Variants in MYH15 observed in about 807,000 individuals in gnomAD.
MYH15 encodes the protein myosin-15.
Under a neutral mutation model 240.5 loss-of-function variants are expected in MYH15, and 227 were observed. That is an observed-to-expected ratio of 0.94 (90% CI 0.85 to 1.05). The LOEUF is 1.05. Among genes scored for constraint, MYH15 ranks in the 50% least tolerant of loss-of-function variants. The pLI is 0.00. For synonymous variants in MYH15, 785 were observed against 796.7 expected, an observed-to-expected ratio of 0.99 and a Z score of 0.25; for missense variants, 2,217 against 2,247.5, an observed-to-expected ratio of 0.99 and a Z score of 0.27.
At chr3:108,530,835 A>G (rs2083706314), upstream of MYH15, among the ~76,000 whole-genome samples, 1 of 152,208 alleles carries the variant, frequency 6.6e-6, no homozygotes, top group African/African-American at 2.4e-5. Context: ...AATGATATAG[A>G]TGATGGAATG....
rs1318053636 is a variant in MYH15 at position 108,444,901 on chromosome 3, T to C, written c.2400-6A>G. ...GGATCAAAATAAGTGCATCCCTAAA[T>C]CAAGAAAGAAAAAAGAAAAGCAAGT... On this transcript the variant is annotated splice_region_variant and splice_polypyrimidine_tract_variant and intron_variant, in intron 21 of 40. Coordinates refer to ENST00000693548, the MANE Select transcript of MYH15 (RefSeq NM_014981.3). The C allele has an allele frequency of 6.3e-7, 1 of 1,588,604 alleles. No homozygotes were observed. The highest frequency in any genetic ancestry group is 8.5e-7 in the Non-Finnish European group (1 of 1,171,714).
upstream of MYH15, among the ~76,000 whole-genome samples, chr3:108,512,830 T>C (rs1239654181): frequency 2.0e-5 from 3 of 152,096 alleles, no homozygotes; most frequent in Admixed American, 6.6e-5. Flanking sequence ...GAACAGAATG[T>C]GTAGGAGCAG....
chr3:108,495,747 T>G (rs2083384626), intron 7 of MYH15, 33 bp downstream of exon 7: 2 of 1,531,264 alleles, frequency 1.3e-6, no homozygotes, highest in East Asian at 4.5e-5. Flanking sequence ...ACAAATTAAA[T>G]ACTTTGATAT....
intron 27 of MYH15, among the ~76,000 whole-genome samples, chr3:108,423,407 G>A (rs538844216): frequency 4.7e-4 from 72 of 152,198 alleles, no homozygotes; most frequent in Non-Finnish European, 6.3e-4. Flanking sequence ...AGACTTAACA[G>A]AGATTCAATG....
chr3:108,425,082 C>T (rs1256873753), intron 27 of MYH15, among the ~76,000 whole-genome samples: 1 of 152,126 alleles, frequency 6.6e-6, no homozygotes, highest in East Asian at 1.9e-4. Context: ...AAGAGGGACC[C>T]CAAAAGTGCT....
chr3:108,474,518 A>T (rs2083204166), intron 12 of MYH15, among the ~76,000 whole-genome samples: 1 of 149,944 alleles, frequency 6.7e-6, no homozygotes, highest in Admixed American at 6.6e-5. Flanking sequence ...TTGATAAATA[A>T]TTATATATAT....
At chr3:108,494,164 C>A (rs903508462) in intron 7 of MYH15, among the ~76,000 whole-genome samples, 6 of 152,148 alleles carry the variant, frequency 3.9e-5, no homozygotes, top group African/African-American at 1.4e-4. Context: ...GGCAAGAAGA[C>A]GTGAGTGGCT....
At chr3:108,484,654 A>G (rs1174335227) in intron 11 of MYH15, among the ~76,000 whole-genome samples, 1 of 151,870 alleles carries the variant, frequency 6.6e-6, no homozygotes, top group East Asian at 1.9e-4. Context: ...AATTTTTTGT[A>G]TTTTTAGTAG....
chr3:108,530,733 G>A (rs1048797215), upstream of MYH15, among the ~76,000 whole-genome samples: 1 of 152,074 alleles, frequency 6.6e-6, no homozygotes, highest in African/African-American at 2.4e-5. Context: ...ACCTAAAACT[G>A]CTCTAAAAAT....
chr3:108,417,696 T>C (rs1177680033), intron 28 of MYH15, among the ~76,000 whole-genome samples: 1 of 151,902 alleles, frequency 6.6e-6, no homozygotes, highest in Non-Finnish European at 1.5e-5. Context: ...GCTTTGTGAA[T>C]TCAACCTACC....
chr3:108,383,747 A>AAC lies in MYH15; in HGVS notation c.5632-19_5632-18insGT. Reference sequence around the variant, plus strand: ...TGTGTTTCCTATAAAAATAAAAAAAAAAAAAAAGAAATCTCCATGCCTATA... The same window carrying AAC: ...TGTGTTTCCTATAAAAATAAAAAAAAACAAAAAAAGAAATCTCCATGCCTATA... On this transcript the variant is annotated intron_variant, in intron 39 of 40. Coordinates refer to ENST00000693548, the MANE Select transcript of MYH15 (RefSeq NM_014981.3). 2 of 1,510,896 alleles carry AAC rather than the reference A, an allele frequency of 1.3e-6. No individual in the cohort carries two copies. Among genetic ancestry groups the AAC allele is most frequent in the Non-Finnish European group, 1.7e-6 (2 of 1,146,206 alleles). 93.6% of individuals were successfully genotyped at this position (1,510,896 alleles called of 1,614,324 possible).
At chr3:108,486,895 G>A (rs577375093) in intron 9 of MYH15, among the ~76,000 whole-genome samples, 1 of 152,208 alleles carries the variant, frequency 6.6e-6, no homozygotes, top group Non-Finnish European at 1.5e-5. Flanking sequence ...ATGACTGAGG[G>A]CTGGAGGATA....
intron 22 of MYH15, among the ~76,000 whole-genome samples, chr3:108,443,402 A>T (rs1045696697): frequency 1.2e-3 from 1 of 818 alleles, no homozygotes; most frequent in African/African-American, 1.9e-3. Context: ...AAAGCACTAA[A>T]TTTTCTGTTT....
intron 1 of MYH15, among the ~76,000 whole-genome samples, chr3:108,521,932 A>G (rs1013881480): frequency 4.6e-5 from 7 of 152,116 alleles, no homozygotes; most frequent in Non-Finnish European, 7.4e-5. Flanking sequence ...GACATTTGTA[A>G]AAGATTCAGT....
At chr3:108,455,302 GTTAACT>G (rs1412626202) in intron 20 of MYH15, among the ~76,000 whole-genome samples, 2 of 152,140 alleles carry the variant, frequency 1.3e-5, no homozygotes, top group African/African-American at 4.8e-5. Context: ...TTGATAGTGG[GTTAACT>G]TTAAAGTTTT....
chr3:108,545,694 TACACAC>T, the MYH15 span, among the ~76,000 whole-genome samples: 10 of 149,050 alleles, frequency 6.7e-5, no homozygotes, highest in East Asian at 5.9e-4. Context: ...AATATACACA[TACACAC>T]ACACACACAC....
chr3:108,523,386 A>C (rs1321362354), intron 1 of MYH15, among the ~76,000 whole-genome samples: 1 of 152,036 alleles, frequency 6.6e-6, no homozygotes, highest in Non-Finnish European at 1.5e-5. Flanking sequence ...TATATATCAT[A>C]CTGAAACATT....
intron 10 of MYH15, 30 bp from the exon 11 acceptor site, chr3:108,485,259 T>C: frequency 1.2e-6 from 2 of 1,612,510 alleles, no homozygotes; most frequent in Non-Finnish European, 1.7e-6. Context: ...TGGCCCTGTC[T>C]TCATTTGCTT....
intron 38 of MYH15, among the ~76,000 whole-genome samples, chr3:108,385,142 T>C (rs1040101286): frequency 1.3e-5 from 2 of 152,282 alleles, no homozygotes; most frequent in East Asian, 1.9e-4. Context: ...AAGGTGGTGG[T>C]AGTGGGGGTG....
Sources: allele counts gnomAD v4.1 joint callset (sites outside exome capture counted in the v4.1 genomes callset), GRCh38; gene constraint gnomAD v4.1.1; transcripts MANE v1.5; gene names NCBI Gene and HGNC (gene_info 2026-07-23, HGNC 2026-07-21).